MATN2: variants seen among roughly 807,000 people sequenced by gnomAD.
MATN2 encodes the protein matrilin-2.
MATN2 carries 69 observed loss-of-function variants against 103.2 expected under a neutral mutation model. The observed-to-expected ratio is 0.67, with a 90% confidence interval of 0.55 to 0.82. The LOEUF is 0.82. Among genes scored for constraint, MATN2 ranks in the 40% least tolerant of loss-of-function variants. MATN2 has a pLI of 0.00. For synonymous variants in MATN2, 429 were observed against 450.2 expected (o/e 0.95, Z 0.60); for missense variants, 1,023 against 1,211.5 (o/e 0.84, Z 2.31).
intron 2 of MATN2, among the ~76,000 whole-genome samples, chr8:97,893,289 C>T (rs1399363970): frequency 6.6e-6 from 1 of 152,190 alleles, no homozygotes; most frequent in African/African-American, 2.4e-5. Context: ...GTGCTGTACC[C>T]AGAACCCTTT....
chr8:98,002,389 CA>C (rs1812819021), intron 7 of MATN2, among the ~76,000 whole-genome samples: 1 of 152,230 alleles, frequency 6.6e-6, no homozygotes, highest in Non-Finnish European at 1.5e-5. Flanking sequence ...ATGAAACTGC[CA>C]ACCCCTGCGT....
intron 16 of MATN2, among the ~76,000 whole-genome samples, chr8:98,032,778 C>T (rs1442097025): frequency 6.6e-6 from 1 of 152,134 alleles, no homozygotes; most frequent in Non-Finnish European, 1.5e-5. Flanking sequence ...GCGATCCACC[C>T]ACCTTGGCCT....
chr8:98,021,154 C>G (rs1274223179), intron 12 of MATN2, 51 bp from the exon 13 acceptor site: 4 of 1,583,910 alleles, frequency 2.5e-6, no homozygotes, highest in Middle Eastern at 1.7e-4. Flanking sequence ...CTATTCAATT[C>G]ACCTCATTTC....
chr8:97,930,732 C>G (rs952867427), intron 2 of MATN2, among the ~76,000 whole-genome samples: 32 of 152,166 alleles, frequency 2.1e-4, no homozygotes, highest in Admixed American at 7.2e-4. Context: ...AAGTGATTCT[C>G]CTACCTCAGC....
intron 4 of MATN2, among the ~76,000 whole-genome samples, chr8:97,953,103 T>C (rs1811016366): frequency 6.6e-6 from 1 of 151,972 alleles, no homozygotes; most frequent in African/African-American, 2.4e-5. Flanking sequence ...TTTAATTTTC[T>C]GTAGAGACAA....
At chr8:98,026,884 G>A (rs1192213932) in intron 13 of MATN2, among the ~76,000 whole-genome samples, 2 of 152,148 alleles carry the variant, frequency 1.3e-5, no homozygotes, top group Admixed American at 1.3e-4. Context: ...GTACAAAGCA[G>A]GTCCTCAATA....
intron 1 of MATN2, among the ~76,000 whole-genome samples, chr8:97,880,940 TTG>T (rs1818234991): frequency 1.3e-5 from 2 of 152,170 alleles, no homozygotes; most frequent in South Asian, 4.1e-4. Flanking sequence ...GGGTAGAATA[TTG>T]TCTCTGCCAG....
chr8:98,024,040 G>C (rs903148954), intron 13 of MATN2, among the ~76,000 whole-genome samples: 20 of 152,126 alleles, frequency 1.3e-4, no homozygotes, highest in Non-Finnish European at 2.6e-4. Context: ...GGGCCTGTTG[G>C]GGGTAGTCGG....
chr8:97,945,717 A>AAATATAT (rs59472539), intron 4 of MATN2, among the ~76,000 whole-genome samples: 1,532 of 121,732 alleles, frequency 0.013, 18 homozygotes, highest in South Asian at 0.032. Flanking sequence ...AAAAAAAAAA[A>AAATATAT]ATATATATAT....
At chr8:97,974,331 G>A (rs940471718) in intron 5 of MATN2, among the ~76,000 whole-genome samples, 4 of 152,142 alleles carry the variant, frequency 2.6e-5, no homozygotes, top group African/African-American at 9.7e-5. Context: ...TAGAGATGGG[G>A]TTTCACCATG....
intron 2 of MATN2, among the ~76,000 whole-genome samples, chr8:97,912,424 AAGCGCTGAG>A (rs2130074975): frequency 1.3e-5 from 2 of 152,204 alleles, no homozygotes; most frequent in East Asian, 1.9e-4. Flanking sequence ...CCGGGCATTG[AAGCGCTGAG>A]AGCGCTGAGG....
intron 1 of MATN2, among the ~76,000 whole-genome samples, chr8:97,879,573 G>A (rs1037357390): frequency 3.9e-5 from 6 of 152,216 alleles, no homozygotes; most frequent in Non-Finnish European, 8.8e-5. Flanking sequence ...AGGAGGCCTG[G>A]ACAGGGGAGC....
intron 3 of MATN2, among the ~76,000 whole-genome samples, chr8:97,938,758 C>T (rs1485591185): frequency 6.6e-6 from 1 of 152,166 alleles, no homozygotes; most frequent in Non-Finnish European, 1.5e-5. Context: ...ACCATTGCTC[C>T]ATATATTCCT....
At chr8:97,928,669 T>C (rs889150264) in intron 2 of MATN2, among the ~76,000 whole-genome samples, 4 of 152,076 alleles carry the variant, frequency 2.6e-5, no homozygotes, top group Admixed American at 6.5e-5. Flanking sequence ...ACCCTGCCCC[T>C]ACCCAGCCTG....
intron 1 of MATN2, among the ~76,000 whole-genome samples, chr8:97,884,736 AC>A (rs552028382): frequency 3.3e-4 from 50 of 152,272 alleles, no homozygotes; most frequent in Admixed American, 5.9e-4. Flanking sequence ...GTGCCACTGC[AC>A]TCCTGCCTGG....
intron 5 of MATN2, among the ~76,000 whole-genome samples, chr8:97,963,433 AACTGG>A (rs1414234415): frequency 3.3e-5 from 5 of 152,188 alleles, no homozygotes; most frequent in African/African-American, 1.2e-4. Context: ...GCCCATGGGA[AACTGG>A]AGGCCACTGA....
rs1000362637 is a variant in MATN2 at position 97,931,490 on chromosome 8, C to G, written c.680C>G (p.Thr227Arg). 3.7e-6 allele frequency: 6 copies of G among 1,611,516 alleles called. No individual in the cohort carries two copies. The highest frequency in any genetic ancestry group is 5.1e-6 in the Non-Finnish European group (6 of 1,178,942). The change falls in exon 3 of 19, where the codon ACG (threonine) becomes AGG (arginine). Residue 227 changes from threonine to arginine, a missense_variant. Physicochemically the swap from Thr to Arg is moderately conservative, Grantham distance 71 (BLOSUM62 -1). Transcript: ENST00000254898. This position sits in a 1 kb window ranked among gnomAD's most constrained non-coding sequence, Gnocchi z 4.1. ...GTGGCCAATTTCAGCCAGATTGAGACGCTGACCTCCGTGTTCCAGAAGAAG... is the reference window on the plus strand; with the variant it reads ...GTGGCCAATTTCAGCCAGATTGAGAGGCTGACCTCCGTGTTCCAGAAGAAG... ...FLVANFSQIE[T>R]LTSVFQKKLC...
chr8:97,993,957 T>C (rs1478365321), intron 6 of MATN2, among the ~76,000 whole-genome samples: 1 of 151,906 alleles, frequency 6.6e-6, no homozygotes, highest in Admixed American at 6.6e-5. Context: ...GTTTGTTGCA[T>C]AAACGTTTTG....
intron 2 of MATN2, among the ~76,000 whole-genome samples, chr8:97,908,011 C>T (rs184999370): frequency 7.9e-5 from 12 of 152,184 alleles, no homozygotes; most frequent in East Asian, 7.7e-4. Context: ...TGGTGGCAGA[C>T]GCCTGTAACC....
Sources: allele counts gnomAD v4.1 joint callset (sites outside exome capture counted in the v4.1 genomes callset), GRCh38; gene constraint gnomAD v4.1.1; non-coding constraint Gnocchi (gnomAD v3.1); transcripts MANE v1.5; gene names NCBI Gene and HGNC (gene_info 2026-07-23, HGNC 2026-07-21).